ZNF829: variants seen among roughly 807,000 people sequenced by gnomAD.
ZNF829 encodes zinc finger protein 829.
A neutral mutation model predicts 35.2 loss-of-function variants in ZNF829; 25 were observed. That is an observed-to-expected ratio of 0.71 (90% CI 0.52 to 0.99). The LOEUF (loss-of-function observed/expected upper bound fraction) is 0.99. Among genes scored for constraint, ZNF829 ranks in the 50% least tolerant of loss-of-function variants. The pLI, the probability that ZNF829 is intolerant of heterozygous loss-of-function variation, is 0.00. For synonymous variants in ZNF829, 136 were observed against 163.2 expected (o/e 0.83, Z 1.27); for missense variants, 417 against 515.3 (o/e 0.81, Z 1.85).
intron 5 of ZNF829, chr19:36,892,784 TAAA>T (rs376647993): frequency 1.2e-5 from 5 of 415,394 alleles, no homozygotes; most frequent in African/African-American, 6.6e-5. Flanking sequence ...AGATTCTAAT[TAAA>T]AAAAAAAAAT....
intron 5 of ZNF829, chr19:36,902,168 A>G (rs1294213535): frequency 1.4e-4 from 34 of 247,388 alleles, no homozygotes; most frequent in South Asian, 2.6e-4. Flanking sequence ...CAAAAAAAAA[A>G]GAAAAAAAAA....
Position 36,916,007 on chromosome 19 carries a change from T to C in ZNF829, c.-85+4A>G, listed in dbSNP as rs2073325453. On this transcript the variant is annotated splice_donor_region_variant and intron_variant, in intron 1 of 5. Transcript: ENST00000391711. This position sits in a 1 kb window ranked among gnomAD's most constrained non-coding sequence, Gnocchi z 5.3. ...CAGTTCTCCTGGGGACCAAAATATC[T>C]CACCTCCCAGATCTAAGGGTCCCGC... is the stretch of plus-strand genomic sequence containing the variant. 6.6e-6 allele frequency: 9 copies of C among 1,367,468 alleles called. No homozygotes were observed. The East Asian group carries it at 1.8e-4, about 27-fold the overall frequency. The allele number at this position is 1,367,468 out of a possible 1,614,324, so 84.7% of individuals were successfully genotyped here.
chr19:36,915,176 A>G lies in ZNF829; in HGVS notation c.-9T>C, dbSNP rs761382048. 3.1e-6 allele frequency: 5 copies of G among 1,613,980 alleles called. No individual in the cohort carries two copies. The highest frequency in any genetic ancestry group is 4.2e-6 in the Non-Finnish European group (5 of 1,180,016). ...AGAGGAGAATGGGGCATTCTGTCCA[A>G]TTCCAGTGGCTCAGGGGAAAGGTTG... On this transcript the variant is annotated 5_prime_UTR_variant, in exon 2 of 6. Coordinates refer to ENST00000391711, the MANE Select transcript of ZNF829 (RefSeq NM_001037232.4).
Position 36,891,547 on chromosome 19 carries a change from T to C in ZNF829, c.1244A>G (p.Lys415Arg), listed in dbSNP as rs1391189105. The change falls in exon 6 of 6, where the codon AAG (lysine) becomes AGG (arginine). Residue 415 changes from lysine to arginine, a missense_variant. By Grantham distance (26) the Lys-to-Arg change is conservative (BLOSUM62 2). Coordinates refer to ENST00000391711, the MANE Select transcript of ZNF829 (RefSeq NM_001037232.4). ...GAGGTCAGAGCGACTACCAAAAGCC[T>C]TTCCACATTCCTTACAGTCATAGGG... ...EKPYDCKECG[K>R]AFGSRSDLIR... The C allele has an allele frequency of 1.9e-6, 3 of 1,606,984 alleles. No homozygotes were observed. Among genetic ancestry groups the C allele is most frequent in the Non-Finnish European group, 2.5e-6 (3 of 1,177,260 alleles).
intron 5 of ZNF829, chr19:36,892,903 G>A (rs1470223201): frequency 2.0e-5 from 23 of 1,145,620 alleles, no homozygotes; most frequent in South Asian, 8.0e-5. Flanking sequence ...CCATCAGCAT[G>A]CCCAGGCAGG....
chr19:36,888,236 CTTGT>C lies in ZNF829; in HGVS notation c.*3252_*3255del, dbSNP rs1188394120. 1 of 152,136 alleles carries C rather than the reference CTTGT, an allele frequency of 6.6e-6. No individual in the cohort carries two copies. Among genetic ancestry groups the C allele is most frequent in the African/African-American group, 2.4e-5 (1 of 41,444 alleles). 9.4% of individuals were successfully genotyped at this position (152,136 alleles called of 1,614,324 possible). On this transcript the variant is annotated 3_prime_UTR_variant, in exon 6 of 6. Coordinates refer to ENST00000391711, the MANE Select transcript of ZNF829 (RefSeq NM_001037232.4). ...GAAATGAAATTATAAATTGTGCTGT[CTTGT>C]TTGATCAAAAGTTTGATAAAACATT...
At chr19:36,902,200 C>T (rs537653475) in intron 5 of ZNF829, 1 of 199,018 alleles carries the variant, frequency 5.0e-6, no homozygotes, top group Non-Finnish European at 1.0e-5. Context: ...CCCCGCACCC[C>T]GCAAAAATAA....
intron 5 of ZNF829, chr19:36,902,097 C>T (rs982440235): frequency 1.8e-5 from 8 of 433,988 alleles, no homozygotes; most frequent in Non-Finnish European, 3.0e-5. Flanking sequence ...AATCTACAGA[C>T]AGTCAATGTG....
chr19:36,900,847 G>GGAAA (rs1040243689), intron 5 of ZNF829, among the ~76,000 whole-genome samples: 1,264 of 88,922 alleles, frequency 0.014, 5 homozygotes, highest in African/African-American at 0.019. Flanking sequence ...GACTGTCTCA[G>GGAAA]AAAAAAAAAA....
intron 5 of ZNF829, among the ~76,000 whole-genome samples, chr19:36,893,790 C>T (rs2073085376): frequency 6.6e-6 from 1 of 152,104 alleles, no homozygotes; most frequent in Non-Finnish European, 1.5e-5. Context: ...TACTGAATCC[C>T]CTCTTTCCTA....
chr19:36,896,028 G>A (rs2073109298), intron 5 of ZNF829, among the ~76,000 whole-genome samples: 2 of 151,924 alleles, frequency 1.3e-5, no homozygotes, highest in African/African-American at 4.8e-5. Flanking sequence ...TTAGCTGGGT[G>A]TGGCCAGGCG....
intron 5 of ZNF829, among the ~76,000 whole-genome samples, chr19:36,896,487 AAAC>A (rs1418490384): frequency 6.6e-6 from 1 of 152,100 alleles, no homozygotes; most frequent in African/African-American, 2.4e-5. Context: ...TGTCTCAAAA[AAAC>A]AACAACAAAA....
At position 36,891,388 on chromosome 19, in the gene ZNF829, A is replaced by G; in HGVS notation, c.*104T>C. On this transcript the variant is annotated 3_prime_UTR_variant, in exon 6 of 6. Transcript: ENST00000391711. ...TTGTTATCGTATCGTTTAAAAACGA[A>G]TACATAGGAGAACCTTTGATAATAT... is the stretch of plus-strand genomic sequence containing the variant. 1 of 1,219,542 alleles carries G rather than the reference A, an allele frequency of 8.2e-7. No homozygotes were observed. Among genetic ancestry groups the G allele is most frequent in the South Asian group, 2.0e-5 (1 of 49,188 alleles). 75.5% of individuals were successfully genotyped at this position (1,219,542 alleles called of 1,614,324 possible). A position where few individuals can be genotyped will look rare whatever the true frequency, so the allele number is the denominator to read the frequency against.
intron 3 of ZNF829, chr19:36,912,713 T>TC (rs1478415475): frequency 3.3e-5 from 5 of 152,174 alleles, no homozygotes; most frequent in African/African-American, 4.8e-5. Context: ...AAATTTATTG[T>TC]CCCCCGGGCA....
chr19:36,910,167 C>A (rs2073252215), intron 3 of ZNF829, among the ~76,000 whole-genome samples: 1 of 151,896 alleles, frequency 6.6e-6, no homozygotes, highest in African/African-American at 2.4e-5. Context: ...TCACTGCAAC[C>A]TCCACCTCCC....
Position 36,892,491 on chromosome 19 carries a change from C to T in ZNF829, c.320-20G>A. 6.5e-7 allele frequency: 1 copy of T among 1,537,576 alleles called. No homozygotes were observed. Among genetic ancestry groups the T allele is most frequent in the Non-Finnish European group, 8.7e-7 (1 of 1,152,700 alleles). ...CCAGATCTGAAAGAAAATACAAAGG[C>T]AAATAAATTTTCCTATTCTGGGCAA... On this transcript the variant is annotated intron_variant, in intron 5 of 5. Coordinates refer to ENST00000391711, the MANE Select transcript of ZNF829 (RefSeq NM_001037232.4).
intron 3 of ZNF829, among the ~76,000 whole-genome samples, chr19:36,910,087 ATTT>A (rs1188231634): frequency 1.7e-5 from 2 of 120,194 alleles, no homozygotes; most frequent in Non-Finnish European, 4.1e-5. Flanking sequence ...TTCTTGAAAA[ATTT>A]TTTTTTTTTT....
rs754537403 is a variant in ZNF829, at chr19:36,908,466, C to T, written c.97-7G>A. ...CCCTGAACATCACCGGCCCCTGAAA[C>T]AACAAACATGCTTTCACAATGAAAG... On this transcript the variant is annotated splice_region_variant and splice_polypyrimidine_tract_variant and intron_variant, in intron 3 of 5. Coordinates refer to ENST00000391711, the MANE Select transcript of ZNF829 (RefSeq NM_001037232.4). The T allele has an allele frequency of 1.3e-5, 20 of 1,587,466 alleles. No individual in the cohort carries two copies. The highest frequency in any genetic ancestry group is 5.4e-5 in the African/African-American group (4 of 73,460).
Position 36,907,923 on chromosome 19 carries a change from A to G in ZNF829, c.319+6T>C. Reference sequence around the variant, plus strand: ...CCCTGCTCCTGAGCCATCATCTCTTACTTACCTGAACACAGGCCTCTAGTC... The same window carrying G: ...CCCTGCTCCTGAGCCATCATCTCTTGCTTACCTGAACACAGGCCTCTAGTC... On this transcript the variant is annotated splice_donor_region_variant and intron_variant, in intron 5 of 5. Coordinates refer to ENST00000391711, the MANE Select transcript of ZNF829 (RefSeq NM_001037232.4). 1 of 1,612,270 alleles carries G rather than the reference A, an allele frequency of 6.2e-7. No homozygotes were observed. Among genetic ancestry groups the G allele is most frequent in the Non-Finnish European group, 8.5e-7 (1 of 1,178,582 alleles).
Sources: allele counts gnomAD v4.1 joint callset (sites outside exome capture counted in the v4.1 genomes callset), GRCh38; gene constraint gnomAD v4.1.1; non-coding constraint Gnocchi (gnomAD v3.1); transcripts MANE v1.5; gene names NCBI Gene and HGNC (gene_info 2026-07-23, HGNC 2026-07-21).